Variants in KATNIP observed in about 807,000 individuals in gnomAD.
The protein encoded by KATNIP is katanin-interacting protein.
Under a neutral mutation model 174.0 loss-of-function variants are expected in KATNIP, and 126 were observed. That is an observed-to-expected ratio of 0.72 (90% CI 0.63 to 0.84). KATNIP has a LOEUF of 0.84. Ranked by LOEUF, KATNIP falls within the 40% of genes least tolerant of loss-of-function variation. The pLI is 0.00. For missense variants in KATNIP, 1,958 were observed against 2,109.7 expected (o/e 0.93, Z 1.41); for synonymous variants, 810 against 835.7 (o/e 0.97, Z 0.53).
intron 19 of KATNIP, among the ~76,000 whole-genome samples, chr16:27,763,441 TAAAAAAAAA>T (rs35206356): frequency 2.9e-5 from 2 of 68,186 alleles, no homozygotes; most frequent in African/African-American, 6.7e-5. Context: ...ATTGTGTCTC[TAAAAAAAAA>T]AAAAAAAAAA....
At chr16:27,772,682 A>G (rs192129306) in intron 22 of KATNIP, among the ~76,000 whole-genome samples, 22 of 152,236 alleles carry the variant, frequency 1.4e-4, no homozygotes, top group African/African-American at 5.1e-4. Flanking sequence ...TCATTTCACA[A>G]CCAGGGAAAC....
Position 27,775,044 on chromosome 16 carries a change from A to G in KATNIP, c.4409A>G (p.Asp1470Gly). 2 of 1,613,292 alleles carry G rather than the reference A, an allele frequency of 1.2e-6. No homozygotes were observed. The highest frequency in any genetic ancestry group is 1.7e-6 in the Non-Finnish European group (2 of 1,179,796). Residue 1470 changes from aspartate to glycine, a missense_variant, in exon 24 of 28, where the codon GAT becomes GGT. This residue lies in a region of KATNIP where 383 missense variants were observed against 456.0 expected (regional missense o/e 0.84). Coordinates refer to ENST00000261588, the MANE Select transcript of KATNIP (RefSeq NM_015202.5). ...ATCGACCAAGTGAACGACACCAGTG[A>G]TGGCCGGCACATGTGGCTGGCTCCC... ...KLIDQVNDTSDGRHMWLAPIL... is the reference protein window; with the variant it reads ...KLIDQVNDTSGGRHMWLAPIL...
rs770446723 is a variant in KATNIP at position 27,749,913 on chromosome 16, T to TG, written c.2959dup (p.Asp987GlyfsTer18). 3.1e-6 allele frequency: 5 copies of TG among 1,614,158 alleles called. No individual in the cohort carries two copies. The highest frequency in any genetic ancestry group is 4.2e-6 in the Non-Finnish European group (5 of 1,180,012). On this transcript the variant is annotated frameshift_variant, in exon 16 of 28. Transcript: ENST00000261588. LOFTEE classifies it high-confidence loss of function. ...CTTGGTCATTGACATCAAGTCTACCTGGGGGGACAGACACTATGTCGGCCT... is the reference window on the plus strand; with the variant it reads ...CTTGGTCATTGACATCAAGTCTACCTGGGGGGGACAGACACTATGTCGGCCT...
rs1332301007 is a variant in KATNIP at position 27,565,121 on chromosome 16, G to T, written c.8-8780G>T. 3.3e-5 allele frequency among the ~76,000 whole-genome samples: 5 copies of T among 151,618 alleles called. No homozygotes were observed. The East Asian group carries it at 9.8e-4, about 30-fold the overall frequency. On this transcript the variant is annotated intron_variant, in intron 1 of 27. Coordinates refer to ENST00000261588, the MANE Select transcript of KATNIP (RefSeq NM_015202.5). ...CTAATAGATTTCTGTTGTTTTAGTG[G>T]GATGTCCTTAAAGAAGTCCCCTCAA...
chr16:27,557,760 A>G lies in KATNIP; in HGVS notation c.7+7583A>G, dbSNP rs964066778. Among the ~76,000 whole-genome samples, 6 of 152,306 alleles carry G rather than the reference A, an allele frequency of 3.9e-5. No individual in the cohort carries two copies. The East Asian group carries it at 7.7e-4, about 20-fold the overall frequency. Reference sequence around the variant, plus strand: ...AATTCTTTATATCAGAGCTTGCACAAGTGGGCTGAAACAGCCCACATGCAT... The same window carrying G: ...AATTCTTTATATCAGAGCTTGCACAGGTGGGCTGAAACAGCCCACATGCAT... On this transcript the variant is annotated intron_variant, in intron 1 of 27. Coordinates refer to ENST00000261588, the MANE Select transcript of KATNIP (RefSeq NM_015202.5).
intron 1 of KATNIP, among the ~76,000 whole-genome samples, chr16:27,573,440 A>G (rs934247242): frequency 6.6e-6 from 1 of 152,266 alleles, no homozygotes; most frequent in Non-Finnish European, 1.5e-5. Context: ...GCAGGTGATT[A>G]CCACTAATTC....
At chr16:27,767,542 A>T (rs1447816466) in intron 20 of KATNIP, among the ~76,000 whole-genome samples, 1 of 152,120 alleles carries the variant, frequency 6.6e-6, no homozygotes, top group African/African-American at 2.4e-5. Flanking sequence ...CAATACAGAG[A>T]GACCCCCATC....
chr16:27,631,986 A>G (rs896444044), intron 5 of KATNIP, among the ~76,000 whole-genome samples: 1 of 152,180 alleles, frequency 6.6e-6, no homozygotes, highest in Non-Finnish European at 1.5e-5. Context: ...ATGTTCCAAT[A>G]TTGTCCCTCT....
At chr16:27,733,214 T>C (rs572178963) in intron 14 of KATNIP, among the ~76,000 whole-genome samples, 1 of 152,340 alleles carries the variant, frequency 6.6e-6, no homozygotes, top group African/African-American at 2.4e-5. Context: ...TGAATCTTTG[T>C]TGGGCAGTTG....
intron 1 of KATNIP, among the ~76,000 whole-genome samples, chr16:27,559,699 G>T (rs1461851463): frequency 1.4e-5 from 2 of 147,762 alleles, no homozygotes; most frequent in South Asian, 4.3e-4. Context: ...AAAAAAAATA[G>T]TAAGGTCATG....
At chr16:27,557,038 TC>T (rs1395688584) in intron 1 of KATNIP, among the ~76,000 whole-genome samples, 3 of 152,222 alleles carry the variant, frequency 2.0e-5, no homozygotes, top group African/African-American at 7.2e-5. Flanking sequence ...TTCAGTGCCT[TC>T]CGTGCATTGG....
At chr16:27,564,366 G>A (rs2090006083) in intron 1 of KATNIP, among the ~76,000 whole-genome samples, 1 of 152,088 alleles carries the variant, frequency 6.6e-6, no homozygotes, top group Non-Finnish European at 1.5e-5. Flanking sequence ...CTGACCCAGA[G>A]CCTCCCCTCT....
At chr16:27,559,626 A>G (rs1441452976) in intron 1 of KATNIP, among the ~76,000 whole-genome samples, 1 of 151,108 alleles carries the variant, frequency 6.6e-6, no homozygotes, top group East Asian at 1.9e-4. Context: ...GACTACAGTG[A>G]GCTGTGATCA....
At chr16:27,557,139 T>A (rs183240959) in intron 1 of KATNIP, among the ~76,000 whole-genome samples, 45 of 151,638 alleles carry the variant, frequency 3.0e-4, no homozygotes, top group Admixed American at 3.3e-4. Context: ...TTCTGTGAAG[T>A]TGATTTTTTT....
In KATNIP at chr16:27,611,411, G is replaced by C. The variant is rs543500498; in HGVS notation, c.64-7014G>C. Among the ~76,000 whole-genome samples the C allele has an allele frequency of 3.3e-5, 5 of 152,290 alleles. No individual in the cohort carries two copies. In the East Asian group the frequency reaches 9.6e-4, roughly 29 times the overall value. ...AGGAAATAAAGCCTCAGAACAACGAGGGTTAACTGAATTAGGCACAAAAAG... is the reference window on the plus strand; with the variant it reads ...AGGAAATAAAGCCTCAGAACAACGACGGTTAACTGAATTAGGCACAAAAAG... On this transcript the variant is annotated intron_variant, in intron 2 of 27. Transcript: ENST00000261588.
At chr16:27,702,258 G>T (rs2079129796) in intron 11 of KATNIP, among the ~76,000 whole-genome samples, 1 of 152,132 alleles carries the variant, frequency 6.6e-6, no homozygotes, top group African/African-American at 2.4e-5. Context: ...TGCAGCACAG[G>T]GTGTTAAACT....
At chr16:27,674,234 G>A (rs2078025985) in intron 6 of KATNIP, among the ~76,000 whole-genome samples, 1 of 152,230 alleles carries the variant, frequency 6.6e-6, no homozygotes, top group African/African-American at 2.4e-5. Context: ...CCTATTTGCT[G>A]CTGTAACAAC....
chr16:27,777,833 A>G lies in KATNIP; in HGVS notation c.4713-48A>G. On this transcript the variant is annotated intron_variant, in intron 26 of 27. Coordinates refer to ENST00000261588, the MANE Select transcript of KATNIP (RefSeq NM_015202.5). This position sits in a 1 kb window ranked among gnomAD's most constrained non-coding sequence, Gnocchi z 4.4. The stretch of plus-strand genomic sequence containing the variant: ...CCTAAGGAGGATGGATGGCTGGGAC[A>G]CACGGCCAGGAGCCTGATCGAATCT... The G allele has an allele frequency of 6.2e-7, 1 of 1,612,494 alleles. No individual in the cohort carries two copies. Among genetic ancestry groups the G allele is most frequent in the South Asian group, 1.1e-5 (1 of 91,026 alleles).
chr16:27,580,314 T>A (rs1487141745), intron 2 of KATNIP, among the ~76,000 whole-genome samples: 2 of 152,188 alleles, frequency 1.3e-5, no homozygotes, highest in Non-Finnish European at 2.9e-5. Flanking sequence ...GGTTTTGCCG[T>A]GTTGCCCAGG....
Sources: allele counts gnomAD v4.1 joint callset (sites outside exome capture counted in the v4.1 genomes callset), GRCh38; gene constraint gnomAD v4.1.1; regional missense constraint gnomAD v4.1.1; non-coding constraint Gnocchi (gnomAD v3.1); transcripts MANE v1.5; gene names NCBI Gene and HGNC (gene_info 2026-07-23, HGNC 2026-07-21).